Variants in DNAH3 observed in about 807,000 individuals in gnomAD.
DNAH3 encodes dynein axonemal heavy chain 3, also known as axonemal beta dynein heavy chain 3.
In DNAH3, 332 loss-of-function variants were observed where a neutral mutation model predicts 432.5. The ratio of observed to expected loss-of-function variants is 0.77; its 90% CI spans 0.70 to 0.84. The LOEUF is 0.84. Ranked by LOEUF, DNAH3 falls within the 40% of genes least tolerant of loss-of-function variation. The probability of loss-of-function intolerance (pLI) is 0.00; values close to 1 mark genes in which losing one functional copy is unlikely to be tolerated. For missense variants in DNAH3, 4,861 were observed against 5,114.0 expected (o/e 0.95, Z 1.51); for synonymous variants, 1,956 against 1,900.2 (o/e 1.03, Z -0.76).
chr16:21,019,558 T>C (rs2088042379), intron 41 of DNAH3, 66 bp downstream of exon 41: 1 of 1,579,572 alleles, frequency 6.3e-7, no homozygotes, highest in Non-Finnish European at 8.6e-7. Context: ...CTGCACATTC[T>C]GGTTGTGTTT....
intron 21 of DNAH3, among the ~76,000 whole-genome samples, chr16:21,071,431 C>T (rs1342363267): frequency 6.6e-6 from 1 of 151,996 alleles, no homozygotes; most frequent in African/African-American, 2.4e-5. Flanking sequence ...GCCTCAGCCT[C>T]CCAAAGTGTT....
chr16:20,937,156 C>CT (rs1199843100), intron 59 of DNAH3, among the ~76,000 whole-genome samples: 3 of 151,872 alleles, frequency 2.0e-5, no homozygotes, highest in African/African-American at 2.4e-5. Flanking sequence ...CTAAATTGTC[C>CT]TTTTTTTCTT....
chr16:21,132,413 C>T (rs1292834045), intron 7 of DNAH3, among the ~76,000 whole-genome samples: 1 of 152,188 alleles, frequency 6.6e-6, no homozygotes, highest in Non-Finnish European at 1.5e-5. Context: ...CAGTGAACTC[C>T]GGTGTCTTCA....
At chr16:21,034,714 T>C (rs2089073654) in intron 35 of DNAH3, among the ~76,000 whole-genome samples, 1 of 152,246 alleles carries the variant, frequency 6.6e-6, no homozygotes, top group African/African-American at 2.4e-5. Flanking sequence ...AAGATTAAGT[T>C]CTTATTATTT....
exon 11 of DNAH3, chr16:21,120,772 G>C (rs1239566358): frequency 6.2e-7 from 1 of 1,614,118 alleles, no homozygotes; most frequent in Admixed American, 1.7e-5. Context: ...GTGCATGCTG[G>C]GCTCTCCTGG....
intron 21 of DNAH3, among the ~76,000 whole-genome samples, chr16:21,073,740 C>T (rs1038710120): frequency 2.6e-5 from 4 of 152,148 alleles, no homozygotes; most frequent in Admixed American, 6.5e-5. Context: ...CTGACCAAGA[C>T]AGCCGGCCAT....
chr16:21,060,692 G>T (rs858206), intron 25 of DNAH3, among the ~76,000 whole-genome samples: 33,423 of 150,504 alleles, frequency 0.22, 3,909 homozygotes, highest in East Asian at 0.46. Flanking sequence ...CGCGGCTGAT[G>T]AATTTTGTAT....
intron 58 of DNAH3, 59 bp from the exon 59 acceptor site, chr16:20,941,602 G>T (rs1395413752): frequency 6.3e-6 from 10 of 1,594,616 alleles, no homozygotes; most frequent in Non-Finnish European, 7.7e-6. Context: ...CTGTGGCTTT[G>T]GATAAACTTT....
At chr16:20,946,035 G>A (rs1199560670) in intron 57 of DNAH3, among the ~76,000 whole-genome samples, 2 of 152,132 alleles carry the variant, frequency 1.3e-5, no homozygotes, top group Admixed American at 6.6e-5. Context: ...CATCTGAATG[G>A]ACTTCCTCCT....
At chr16:20,953,810 T>C (rs1356439592) in intron 55 of DNAH3, among the ~76,000 whole-genome samples, 2 of 151,682 alleles carry the variant, frequency 1.3e-5, no homozygotes, top group East Asian at 4.0e-4. Context: ...AGTGGCACAA[T>C]CTTGGCTCAC....
At chr16:20,973,907 C>T (rs2085457731) in intron 51 of DNAH3, among the ~76,000 whole-genome samples, 1 of 152,166 alleles carries the variant, frequency 6.6e-6, no homozygotes, top group African/African-American at 2.4e-5. Context: ...TTCTTAGGCT[C>T]TGGGGTGGGA....
At chr16:21,144,880 G>A (rs1404264124) in intron 3 of DNAH3, among the ~76,000 whole-genome samples, 3 of 152,016 alleles carry the variant, frequency 2.0e-5, no homozygotes, top group African/African-American at 7.2e-5. Context: ...CACTTTCGGA[G>A]GTTGAGGCAG....
chr16:21,028,653 CAA>C (rs57414215), intron 37 of DNAH3, among the ~76,000 whole-genome samples: 18 of 127,616 alleles, frequency 1.4e-4, no homozygotes, highest in Admixed American at 2.3e-4. Context: ...GACTTTGTCT[CAA>C]AAAAAAAAAA....
chr16:21,123,467 T>C (rs574268294), intron 9 of DNAH3, among the ~76,000 whole-genome samples: 8 of 152,322 alleles, frequency 5.3e-5, no homozygotes, highest in South Asian at 4.1e-4. Context: ...TAGAGTGAGA[T>C]TGGCTTCCAC....
chr16:20,972,017 G>A (rs1158021344), intron 51 of DNAH3, among the ~76,000 whole-genome samples: 2 of 152,182 alleles, frequency 1.3e-5, no homozygotes, highest in Admixed American at 6.5e-5. Flanking sequence ...AAACATTAAA[G>A]AGTTGCCAAT....
intron 21 of DNAH3, among the ~76,000 whole-genome samples, chr16:21,073,374 C>T (rs1311563462): frequency 1.3e-5 from 2 of 152,136 alleles, no homozygotes; most frequent in African/African-American, 4.8e-5. Context: ...GTCACCCCAA[C>T]AGCCTCTATA....
chr16:21,122,124 C>A, exon 10 of DNAH3: 1 of 1,606,118 alleles, frequency 6.2e-7, no homozygotes, highest in Non-Finnish European at 8.5e-7. Flanking sequence ...TCATTCCCAT[C>A]CTTCAGGAGA....
At chr16:21,041,673 G>A (rs1018753679) in intron 32 of DNAH3, among the ~76,000 whole-genome samples, 32 of 152,074 alleles carry the variant, frequency 2.1e-4, no homozygotes, top group South Asian at 8.3e-4. Flanking sequence ...CTTTTCTTTC[G>A]CTTTGTTTTT....
intron 53 of DNAH3, among the ~76,000 whole-genome samples, chr16:20,959,698 G>C (rs907305919): frequency 1.3e-5 from 2 of 150,964 alleles, no homozygotes; most frequent in African/African-American, 4.9e-5. Context: ...TTTGGACTCA[G>C]AAAAAAACTC....
Sources: gnomAD v4.1 joint callset for allele counts (sites outside exome capture counted in the v4.1 genomes callset) on GRCh38, gnomAD v4.1.1 for gene constraint, MANE v1.5 for transcripts, NCBI Gene and HGNC (gene_info 2026-07-23, HGNC 2026-07-21) for gene names.